The following JAZF1 variants were observed in gnomAD, a reference collection of about 807,000 sequenced individuals.
JAZF1 encodes the protein JAZF zinc finger 1, also known as juxtaposed with another zinc finger protein 1.
In JAZF1, 8 loss-of-function variants were observed where a neutral mutation model predicts 26.4. That is an observed-to-expected ratio of 0.30 (90% CI 0.18 to 0.55). The LOEUF is 0.55. JAZF1 is among the 20% of genes least tolerant of loss of function. The pLI is 0.94. For synonymous variants in JAZF1, 126 were observed against 122.3 expected, an observed-to-expected ratio of 1.03 and a Z score of -0.20; for missense variants, 199 against 322.0, an observed-to-expected ratio of 0.62 and a Z score of 2.92.
chr7:28,050,802 T>C (rs903917194), intron 1 of JAZF1, among the ~76,000 whole-genome samples: 1 of 152,184 alleles, frequency 6.6e-6, no homozygotes, highest in African/African-American at 2.4e-5. Flanking sequence ...CTTTCTTTTG[T>C]TATTGATTCA....
chr7:28,134,766 G>A (rs1033134944), intron 1 of JAZF1, among the ~76,000 whole-genome samples: 1 of 152,046 alleles, frequency 6.6e-6, no homozygotes, highest in Non-Finnish European at 1.5e-5. Context: ...TGAAAAATAT[G>A]TGTATATAGG....
rs755474356 is a variant in JAZF1, at chr7:27,840,815, C to T, written c.438G>A (p.Glu146=). Residue 146 remains glutamate (E), a synonymous_variant, in exon 4 of 5, where the codon GAG becomes GAA. Coordinates refer to ENST00000283928, the MANE Select transcript of JAZF1 (RefSeq NM_175061.4). This position sits in a 1 kb window ranked among gnomAD's most constrained non-coding sequence, Gnocchi z 5.1. The stretch of plus-strand genomic sequence containing the variant: ...TGATGGCACTCTCTGTGGTCCAGGA[C>T]TCATCGCTGTCCGACTCCTCATAGT... ...EVDYEESDSD[E]SWTTESAISS... is the part of the protein sequence containing the mutation. 11 of 1,614,184 alleles carry T rather than the reference C, an allele frequency of 6.8e-6. No homozygotes were observed. In the Admixed American group the frequency reaches 1.5e-4, roughly 22 times the overall value.
chr7:28,000,622 C>CTTTTTTTTTTTTTTTT (rs1190147547), intron 1 of JAZF1, among the ~76,000 whole-genome samples: 1 of 62,072 alleles, frequency 1.6e-5, no homozygotes, highest in African/African-American at 4.1e-5. Flanking sequence ...TTCTTTCTTT[C>CTTTTTTTTTTTTTTTT]TTTTTTTTTT....
At chr7:28,133,360 G>A (rs940870620) in intron 1 of JAZF1, among the ~76,000 whole-genome samples, 2 of 152,184 alleles carry the variant, frequency 1.3e-5, no homozygotes, top group African/African-American at 4.8e-5. Flanking sequence ...CAAGGAAGGA[G>A]TATCACAACA....
intron 1 of JAZF1, among the ~76,000 whole-genome samples, chr7:28,087,487 T>G (rs899936318): frequency 6.6e-6 from 1 of 151,984 alleles, no homozygotes; most frequent in Non-Finnish European, 1.5e-5. Flanking sequence ...TTTACCAAAA[T>G]AGGATTTAAA....
intron 1 of JAZF1, among the ~76,000 whole-genome samples, chr7:28,029,008 A>G (rs1042297944): frequency 1.3e-5 from 2 of 151,926 alleles, no homozygotes; most frequent in Non-Finnish European, 1.5e-5. Flanking sequence ...TATTTTGCAG[A>G]TGATTTAACA....
intron 1 of JAZF1, among the ~76,000 whole-genome samples, chr7:28,127,241 T>C (rs1782711807): frequency 6.6e-6 from 1 of 152,216 alleles, no homozygotes; most frequent in Non-Finnish European, 1.5e-5. Flanking sequence ...AAGTCATGCC[T>C]TCAGTCTTTG....
At chr7:28,138,525 C>T (rs1330365096) in intron 1 of JAZF1, among the ~76,000 whole-genome samples, 1 of 152,204 alleles carries the variant, frequency 6.6e-6, no homozygotes, top group African/African-American at 2.4e-5. Context: ...TCGCTGTTCA[C>T]CTGTTGCCAG....
chr7:28,144,449 A>G (rs1442215974), intron 1 of JAZF1, among the ~76,000 whole-genome samples: 1 of 152,194 alleles, frequency 6.6e-6, no homozygotes, highest in Non-Finnish European at 1.5e-5. Context: ...AGGTCCTGAG[A>G]GGCAGACATT....
At chr7:28,170,458 T>C (rs1355312507) in intron 1 of JAZF1, among the ~76,000 whole-genome samples, 2 of 151,432 alleles carry the variant, frequency 1.3e-5, no homozygotes, top group Admixed American at 1.3e-4. Flanking sequence ...AACCTATCCC[T>C]AAATGATCAT....
intron 1 of JAZF1, among the ~76,000 whole-genome samples, chr7:28,085,222 CAT>C (rs1260902469): frequency 6.6e-6 from 1 of 152,184 alleles, no homozygotes; most frequent in East Asian, 1.9e-4. Flanking sequence ...AGATCTGAAA[CAT>C]ATGATTTTTA....
intron 3 of JAZF1, among the ~76,000 whole-genome samples, chr7:27,862,573 G>A (rs1022240846): frequency 2.0e-5 from 3 of 152,148 alleles, no homozygotes; most frequent in East Asian, 1.9e-4. Flanking sequence ...GAGAGACCAC[G>A]TACCTATTAG....
chr7:28,097,098 T>A (rs1433039305), intron 1 of JAZF1, among the ~76,000 whole-genome samples: 1 of 152,130 alleles, frequency 6.6e-6, no homozygotes, highest in Non-Finnish European at 1.5e-5. Context: ...AAGTTAACAA[T>A]AATGCCTTTA....
At position 27,833,881 on chromosome 7, in the gene JAZF1, G is replaced by C. The variant is rs184138574; in HGVS notation, c.556-905C>G. 2.0e-3 allele frequency among the ~76,000 whole-genome samples: 302 copies of C among 152,312 alleles called. 1 individual carries two copies. The highest frequency in any genetic ancestry group is 2.1e-3 in the Non-Finnish European group (143 of 68,032). On this transcript the variant is annotated intron_variant, in intron 4 of 4. Transcript: ENST00000283928. ...TAAATGGTGAGGAAATGGGCTTGAG[G>C]GTAGTAAGTAACTGGTGGAAGATCT...
At chr7:28,106,636 C>T (rs73072539) in intron 1 of JAZF1, among the ~76,000 whole-genome samples, 1 of 152,084 alleles carries the variant, frequency 6.6e-6, no homozygotes, top group African/African-American at 2.4e-5. Context: ...CCCTCCACTG[C>T]AAAGGAGATG....
intron 2 of JAZF1, among the ~76,000 whole-genome samples, chr7:27,919,679 A>G (rs943670956): frequency 6.6e-6 from 1 of 152,206 alleles, no homozygotes; most frequent in Non-Finnish European, 1.5e-5. Flanking sequence ...TGGTTACAAA[A>G]GGAAGGAGCA....
chr7:28,098,644 G>A (rs946842671), intron 1 of JAZF1, among the ~76,000 whole-genome samples: 1 of 152,054 alleles, frequency 6.6e-6, no homozygotes. Flanking sequence ...TTGAACTCTG[G>A]GATGCCTCAC....
At chr7:27,859,277 G>C (rs939405044) in intron 3 of JAZF1, among the ~76,000 whole-genome samples, 1 of 152,226 alleles carries the variant, frequency 6.6e-6, no homozygotes, top group East Asian at 1.9e-4. Flanking sequence ...CTGTTGGTGG[G>C]AGTGTAAATT....
chr7:28,157,419 T>G (rs2127950424), intron 1 of JAZF1, among the ~76,000 whole-genome samples: 1 of 152,366 alleles, frequency 6.6e-6, no homozygotes, highest in East Asian at 1.9e-4. Context: ...TCACAGACGG[T>G]ATAAAAATAA....
Sources: allele counts gnomAD v4.1 joint callset (sites outside exome capture counted in the v4.1 genomes callset), GRCh38; gene constraint gnomAD v4.1.1; non-coding constraint Gnocchi (gnomAD v3.1); transcripts MANE v1.5; gene names NCBI Gene and HGNC (gene_info 2026-07-23, HGNC 2026-07-21).